MAPK12: variants seen among roughly 807,000 people sequenced by gnomAD.
The protein encoded by MAPK12 is mitogen-activated protein kinase 12, also known as MAP kinase 12.
Under a neutral mutation model 49.1 loss-of-function variants are expected in MAPK12, and 49 were observed. That is an observed-to-expected ratio of 1.00 (90% CI 0.79 to 1.27). The LOEUF (loss-of-function observed/expected upper bound fraction) is 1.27. MAPK12 is among the 50% of genes most tolerant of loss of function. MAPK12 has a pLI of 0.00. For missense variants in MAPK12, 554 were observed against 502.4 expected, an observed-to-expected ratio of 1.10 and a Z score of -0.98; for synonymous variants, 251 against 209.7, an observed-to-expected ratio of 1.20 and a Z score of -1.70.
In MAPK12 at chr22:50,253,500, G is replaced by GGGGGGGA; in HGVS notation, c.1025-21_1025-20insTCCCCCC. 2.3e-6 allele frequency: 1 copy of GGGGGGGA among 432,222 alleles called. No homozygotes were observed. Among genetic ancestry groups the GGGGGGGA allele is most frequent in the Non-Finnish European group, 4.6e-6 (1 of 215,862 alleles). The allele number at this position is 432,222 out of a possible 1,614,324, so 26.8% of individuals were successfully genotyped here. ...TAACACCTGGCGGGGGTGGGGGGGC[G>GGGGGGGA]GGCACAACAGAGAGGGGGGTCAGCC... On this transcript the variant is annotated intron_variant, in intron 11 of 11. Transcript: ENST00000215659.
At chr22:50,256,557 GC>G in intron 6 of MAPK12, 41 bp downstream of exon 6, 1 of 1,596,730 alleles carries the variant, frequency 6.3e-7, no homozygotes. Flanking sequence ...TCCAGAGGGG[GC>G]CCCTGCCCCA....
In MAPK12 at chr22:50,261,298, T is replaced by G. The variant is rs2065210939; in HGVS notation, c.126-2A>C. On this transcript the variant is annotated splice_acceptor_variant, in intron 1 of 11. Transcript: ENST00000215659. LOFTEE classifies it high-confidence loss of function. ...CCGGTGCGGCCGTCCACGGCCGAGC[T>G]GCGGGGCGGACCGCTTAGCGGGAAG... 6.9e-7 allele frequency: 1 copy of G among 1,455,672 alleles called. No homozygotes were observed. The allele number at this position is 1,455,672 out of a possible 1,614,324, so 90.2% of individuals were successfully genotyped here.
Position 50,255,290 on chromosome 22 carries a change from A to G in MAPK12, c.931T>C (p.Phe311Leu). Residue 311 changes from phenylalanine to leucine, a missense_variant, in exon 11 of 12, where the codon TTC becomes CTC. Transcript: ENST00000215659. ...TAGEALAHPY[F>L]ESLHDTEDEP... is the part of the protein sequence containing the mutation. ...TCTTCCGTGTCGTGCAGGGACTCGA[A>G]GTAGGGATGGGCCAGCGCCTCGCCT... The G allele has an allele frequency of 1.2e-6, 2 of 1,613,666 alleles. No homozygotes were observed. The highest frequency in any genetic ancestry group is 1.7e-6 in the Non-Finnish European group (2 of 1,180,006).
At chr22:50,256,549 C>G in intron 6 of MAPK12, 50 bp downstream of exon 6, 1 of 1,590,186 alleles carries the variant, frequency 6.3e-7, no homozygotes, top group Non-Finnish European at 8.6e-7. Context: ...TGGGCAGATC[C>G]AGAGGGGGCC....
In MAPK12 at chr22:50,257,188, A is replaced by C; in HGVS notation, c.320T>G (p.Leu107Arg). 1 of 1,612,010 alleles carries C rather than the reference A, an allele frequency of 6.2e-7. No individual in the cohort carries two copies. The highest frequency in any genetic ancestry group is 8.5e-7 in the Non-Finnish European group (1 of 1,179,496). ...ETLDDFTDFY[L>R]VMPFMGTDLG... ...GTCGGTGCCCATGAACGGCATCACC[A>C]GGTAACTGTGGGAGGGGCCGGAGCG... Residue 107 changes from leucine to arginine, a missense_variant, in exon 4 of 12, where the codon CTG (leucine) becomes CGG (arginine). By Grantham distance (102) the Leu-to-Arg change is moderately radical. Transcript: ENST00000215659.
rs76976245 is a variant in MAPK12 at position 50,254,701 on chromosome 22, G to A, written c.1024+496C>T. 2.2e-4 allele frequency: 236 copies of A among 1,056,292 alleles called. No homozygotes were observed. In the African/African-American group the frequency reaches 3.8e-3, roughly 17 times the overall value. The allele number at this position is 1,056,292 out of a possible 1,614,324, so 65.4% of individuals were successfully genotyped here. On this transcript the variant is annotated intron_variant, in intron 11 of 11. Transcript: ENST00000215659. ...AGGCAAGGACAGATTCAGGAGGTGT[G>A]AGCAGAGAGGCCTTAGGGACAAGCG...
In MAPK12 at chr22:50,257,167, G is replaced by C; in HGVS notation, c.341C>G (p.Thr114Ser). 1.9e-6 allele frequency: 3 copies of C among 1,612,750 alleles called. No homozygotes were observed. Among genetic ancestry groups the C allele is most frequent in the Admixed American group, 1.7e-5 (1 of 60,028 alleles). ...ATGTTTCATGAGCTTGCCCAGGTCG[G>C]TGCCCATGAACGGCATCACCAGGTA... ...DFYLVMPFMG[T>S]DLGKLMKHEK... The change falls in exon 4 of 12, where the codon ACC (threonine) becomes AGC (serine). Residue 114 changes from threonine to serine, a missense_variant. Coordinates refer to ENST00000215659, the MANE Select transcript of MAPK12 (RefSeq NM_002969.6).
intron 2 of MAPK12, among the ~76,000 whole-genome samples, chr22:50,260,470 G>C (rs2065199993): frequency 1.3e-5 from 2 of 152,086 alleles, no homozygotes; most frequent in Non-Finnish European, 2.9e-5. Context: ...CAGAGAGATC[G>C]GGTTCTTAGC....
rs1260582494 is a variant in MAPK12 at position 50,258,247 on chromosome 22, C to T, written c.310G>A (p.Asp104Asn). The T allele has an allele frequency of 3.7e-6, 6 of 1,613,146 alleles. No individual in the cohort carries two copies. ...CCAGCCCAGGTCGGCACTCACAAGTCCGTGAAGTCATCCAGGGTCTCATCA... is the reference window on the plus strand; with the variant it reads ...CCAGCCCAGGTCGGCACTCACAAGTTCGTGAAGTCATCCAGGGTCTCATCA... ...TPDETLDDFT[D>N]FYLVMPFMGT... is the part of the protein sequence containing the mutation. Residue 104 changes from aspartate to asparagine, a missense_variant, in exon 3 of 12, where the codon GAC becomes AAC. Asp to Asn is a conservative substitution (Grantham distance 23). Transcript: ENST00000215659.
Position 50,261,492 on chromosome 22 carries a change from G to T in MAPK12, c.18C>A (p.Pro6=). Residue 6 remains proline, a synonymous_variant, in exon 1 of 12, where the codon CCC becomes CCA. Coordinates refer to ENST00000215659, the MANE Select transcript of MAPK12 (RefSeq NM_002969.6). The part of the protein sequence containing the change: MSSPP[P]ARSGFYRQEV... Reference sequence around the variant, plus strand: ...CCTGGCGGTAAAAGCCACTGCGGGCGGGCGGCGGAGAGCTCATGGCAGGCC... The same window carrying T: ...CCTGGCGGTAAAAGCCACTGCGGGCTGGCGGCGGAGAGCTCATGGCAGGCC... 8.0e-7 allele frequency: 1 copy of T among 1,251,442 alleles called. No individual in the cohort carries two copies. Among genetic ancestry groups the T allele is most frequent in the Non-Finnish European group, 1.0e-6 (1 of 974,244 alleles). The allele number at this position is 1,251,442 out of a possible 1,614,324, so 77.5% of individuals were successfully genotyped here.
chr22:50,253,502 G>GGGGGGGGGGGGGGGGGAC, intron 11 of MAPK12, 22 bp from the exon 12 acceptor site: 1 of 171,686 alleles, frequency 5.8e-6, no homozygotes, highest in Middle Eastern at 1.3e-3. Context: ...GGGGGGGCGG[G>GGGGGGGGGGGGGGGGGAC]CACAACAGAG....
intron 5 of MAPK12, 118 bp downstream of exon 5, chr22:50,256,817 G>C: frequency 6.6e-7 from 1 of 1,522,220 alleles, no homozygotes. Flanking sequence ...CCCACCAGGG[G>C]CTGTGCATAG....
rs1017973159 is a variant in MAPK12, at chr22:50,256,202, G to A, written c.505-3C>T. On this transcript the variant is annotated splice_polypyrimidine_tract_variant and splice_region_variant and intron_variant, in intron 6 of 11. Coordinates refer to ENST00000215659, the MANE Select transcript of MAPK12 (RefSeq NM_002969.6). Reference sequence around the variant, plus strand: ...CTGGCCAGGCCGAAGTCCAGGATCTGTGGGAAGAATTGGGGAGGTGGGTTC... The same window carrying A: ...CTGGCCAGGCCGAAGTCCAGGATCTATGGGAAGAATTGGGGAGGTGGGTTC... 9 of 1,609,722 alleles carry A rather than the reference G, an allele frequency of 5.6e-6. No homozygotes were observed. Among genetic ancestry groups the A allele is most frequent in the Non-Finnish European group, 5.9e-6 (7 of 1,177,366 alleles).
chr22:50,258,340 C>T (rs751410288), intron 2 of MAPK12, 39 bp from the exon 3 acceptor site: 4 of 1,585,602 alleles, frequency 2.5e-6, no homozygotes, highest in Non-Finnish European at 3.5e-6. Flanking sequence ...CAGCAGAGGA[C>T]ACGGGCTGGG....
intron 5 of MAPK12, 127 bp from the exon 6 acceptor site, chr22:50,256,773 G>C: frequency 2.0e-6 from 3 of 1,513,180 alleles, no homozygotes; most frequent in Non-Finnish European, 2.7e-6. Flanking sequence ...GCCCTTCAAG[G>C]GCAGACCAAG....
At chr22:50,253,847 T>A (rs773756142) in intron 11 of MAPK12, 1 of 280,142 alleles carries the variant, frequency 3.6e-6, no homozygotes, top group South Asian at 3.8e-5. Context: ...AGCACACGAA[T>A]ATGCACACAG....
At position 50,254,651 on chromosome 22, in the gene MAPK12, C is replaced by CA. The variant is rs1416426597; in HGVS notation, c.1024+545dup. On this transcript the variant is annotated intron_variant, in intron 11 of 11. Coordinates refer to ENST00000215659, the MANE Select transcript of MAPK12 (RefSeq NM_002969.6). Reference sequence around the variant, plus strand: ...TGGGCATCAGAGTGAGACTCCGTCTCAAAAAACAAAAATGGGGCAAGGAGA... The same window carrying CA: ...TGGGCATCAGAGTGAGACTCCGTCTCAAAAAAACAAAAATGGGGCAAGGAGA... 4.0e-5 allele frequency: 40 copies of CA among 1,011,930 alleles called. 1 individual carries two copies. The highest frequency in any genetic ancestry group is 4.7e-5 in the Non-Finnish European group (40 of 846,350). 62.7% of individuals were successfully genotyped at this position (1,011,930 alleles called of 1,614,324 possible).
chr22:50,260,545 A>G (rs774667818), intron 2 of MAPK12, among the ~76,000 whole-genome samples: 21 of 152,124 alleles, frequency 1.4e-4, no homozygotes, highest in Non-Finnish European at 2.8e-4. Flanking sequence ...GAAGGACTGG[A>G]AAGGATGGGC....
rs1475576824 is a variant in MAPK12, at chr22:50,255,888, T to C, written c.620-7A>G. On this transcript the variant is annotated splice_polypyrimidine_tract_variant and splice_region_variant and intron_variant, in intron 7 of 11. Coordinates refer to ENST00000215659, the MANE Select transcript of MAPK12 (RefSeq NM_002969.6). ...CCCACAGACCAGATGTCCACTGAGA[T>C]AGAAGCCCTGGTCAGCTCCGTGGGC... 11 of 1,612,302 alleles carry C rather than the reference T, an allele frequency of 6.8e-6. No individual in the cohort carries two copies. Among genetic ancestry groups the C allele is most frequent in the Non-Finnish European group, 9.3e-6 (11 of 1,179,708 alleles).
Sources: allele counts gnomAD v4.1 joint callset (sites outside exome capture counted in the v4.1 genomes callset), GRCh38; gene constraint gnomAD v4.1.1; transcripts MANE v1.5; gene names NCBI Gene and HGNC (gene_info 2026-07-23, HGNC 2026-07-21).